The following IGDCC3 variants were observed in gnomAD, a reference collection of about 807,000 sequenced individuals.
IGDCC3 encodes the protein putative neuronal cell adhesion molecule.
A neutral mutation model predicts 72.0 loss-of-function variants in IGDCC3; 47 were observed. The observed-to-expected ratio is 0.65, with a 90% CI of 0.52 to 0.83. The LOEUF is 0.83. IGDCC3 is among the 40% of genes least tolerant of loss of function. IGDCC3 has a pLI of 0.00. For missense variants in IGDCC3, 1,038 were observed against 1,091.3 expected (o/e 0.95, Z 0.69); for synonymous variants, 477 against 472.8 (o/e 1.01, Z -0.11).
In IGDCC3 at chr15:65,328,687, A is replaced by T. The variant is rs1305527096; in HGVS notation, c.*222T>A. 1 of 417,046 alleles carries T rather than the reference A, an allele frequency of 2.4e-6. No homozygotes were observed. The highest frequency in any genetic ancestry group is 2.0e-5 in the African/African-American group (1 of 48,844). 25.8% of individuals were successfully genotyped at this position (417,046 alleles called of 1,614,324 possible). ...AGGCAAGGGGGCGTCAGCCCAGGGA[A>T]GGAACAGGCTCCTGCAGGAACTGCT... On this transcript the variant is annotated 3_prime_UTR_variant, in exon 14 of 14. Coordinates refer to ENST00000327987, the MANE Select transcript of IGDCC3 (RefSeq NM_004884.4).
At chr15:65,338,763 C>T (rs1167106845) in intron 2 of IGDCC3, among the ~76,000 whole-genome samples, 1 of 152,192 alleles carries the variant, frequency 6.6e-6, no homozygotes, top group Admixed American at 6.5e-5. Context: ...GTGGATGAGT[C>T]GCTCTTCAGG....
At position 65,329,594 on chromosome 15, in the gene IGDCC3, G is replaced by A. The variant is rs749045827; in HGVS notation, c.2001C>T (p.Val667=). ...GGTTTTCCACATCTTTACACAGGAG[G>A]ACCCTAAGGGTTAGCCAAGAGTTGG... ...LFLLFGQRGR[V]LLCKDVENQL... is the part of the protein sequence containing the mutation. The change falls in exon 13 of 14, where the codon GTC becomes GTT. Residue 667 remains valine (V), a synonymous_variant. Transcript: ENST00000327987. The surrounding 1 kb of genome is among the most constrained non-coding windows in gnomAD (Gnocchi z 4.1). The A allele has an allele frequency of 4.3e-6, 7 of 1,613,282 alleles. No individual in the cohort carries two copies. The Admixed American group carries it at 8.4e-5, about 19-fold the overall frequency.
At chr15:65,355,531 G>C (rs999331842) in intron 2 of IGDCC3, among the ~76,000 whole-genome samples, 1 of 149,570 alleles carries the variant, frequency 6.7e-6, no homozygotes, top group African/African-American at 2.4e-5. Flanking sequence ...AGGACGCGGC[G>C]GGCCCCTTCC....
Position 65,329,298 on chromosome 15 carries a change from C to T in IGDCC3, c.2205+92G>A, listed in dbSNP as rs1474355218. ...CTGCAGTTTGACTAAGGCCAATGAT[C>T]GAGGCCCGTGGCCAAGGTGAAGGGG... On this transcript the variant is annotated intron_variant, in intron 13 of 13. Transcript: ENST00000327987. This position sits in a 1 kb window ranked among gnomAD's most constrained non-coding sequence, Gnocchi z 4.1. 9.5e-6 allele frequency: 14 copies of T among 1,474,406 alleles called. No homozygotes were observed. The highest frequency in any genetic ancestry group is 2.8e-5 in the African/African-American group (2 of 70,768). The allele number at this position is 1,474,406 out of a possible 1,614,324, so 91.3% of individuals were successfully genotyped here.
chr15:65,334,542 G>A (rs904430602), intron 5 of IGDCC3, 186 bp downstream of exon 5: 8 of 572,510 alleles, frequency 1.4e-5, no homozygotes, highest in African/African-American at 5.8e-5. Context: ...GTGGGCAGGC[G>A]GGCCTCCCTG....
chr15:65,332,859 A>G (rs975687086), intron 6 of IGDCC3, among the ~76,000 whole-genome samples: 3 of 152,188 alleles, frequency 2.0e-5, no homozygotes, highest in Admixed American at 1.3e-4. Context: ...TGAAAATGAC[A>G]AGCAGGCCCG....
At position 65,370,885 on chromosome 15, in the gene IGDCC3, A is replaced by G. The variant is rs576575238; in HGVS notation, c.409+4212T>C. ...GCGATCCTCCTGCCTCAGCCTCTCAAAGTGCTGGGATTTACAGGCATGAGC... is the reference window on the plus strand; with the variant it reads ...GCGATCCTCCTGCCTCAGCCTCTCAGAGTGCTGGGATTTACAGGCATGAGC... On this transcript the variant is annotated intron_variant, in intron 2 of 13. Coordinates refer to ENST00000327987, the MANE Select transcript of IGDCC3 (RefSeq NM_004884.4). Among the ~76,000 whole-genome samples, 89 of 152,144 alleles carry G rather than the reference A, an allele frequency of 5.8e-4. 1 individual carries two copies. Among genetic ancestry groups the G allele is most frequent in the Non-Finnish European group, 1.3e-4 (9 of 67,990 alleles).
chr15:65,329,003 G>C lies in IGDCC3; in HGVS notation c.2351C>G (p.Pro784Arg). 6.2e-7 allele frequency: 1 copy of C among 1,611,502 alleles called. No homozygotes were observed. The highest frequency in any genetic ancestry group is 8.5e-7 in the Non-Finnish European group (1 of 1,179,102). The change falls in exon 14 of 14, where the codon CCA (proline) becomes CGA (arginine). Residue 784 changes from proline (P) to arginine (R), a missense_variant. Transcript: ENST00000327987. This position sits in a 1 kb window ranked among gnomAD's most constrained non-coding sequence, Gnocchi z 4.1. ...GAGGCCAGGGCCTCCATCTGGGGGT[G>C]GTGGGGCAGCCGCCAGGCCGGCGCA... ...APCAGLAAAP[P>R]PPDGGPGLLS...
At chr15:65,337,117 C>A (rs1322551334) in intron 2 of IGDCC3, among the ~76,000 whole-genome samples, 2 of 152,208 alleles carry the variant, frequency 1.3e-5, no homozygotes, top group African/African-American at 4.8e-5. Context: ...CCATCTCAGG[C>A]CCCCTCAATC....
In IGDCC3 at chr15:65,339,841, G is replaced by A. The variant is rs373664398; in HGVS notation, c.410-3885C>T. On this transcript the variant is annotated intron_variant, in intron 2 of 13. Coordinates refer to ENST00000327987, the MANE Select transcript of IGDCC3 (RefSeq NM_004884.4). The surrounding 1 kb of genome is among the most constrained non-coding windows in gnomAD (Gnocchi z 4.1). ...TTTACACTCCTGCGGATATCTGTTG[G>A]TCTGGTAGGGACAGTTTTGGGTCCC... is the stretch of plus-strand genomic sequence containing the variant. Among the ~76,000 whole-genome samples the A allele has an allele frequency of 2.2e-3, 342 of 152,330 alleles. 3 individuals are homozygous for A. Among genetic ancestry groups the A allele is most frequent in the African/African-American group, 7.4e-3 (307 of 41,574 alleles).
chr15:65,352,430 T>G (rs962746583), intron 2 of IGDCC3, among the ~76,000 whole-genome samples: 4 of 152,230 alleles, frequency 2.6e-5, no homozygotes, highest in Non-Finnish European at 5.9e-5. Context: ...GTGCTTTCCT[T>G]TAAGGAATCA....
Position 65,329,471 on chromosome 15 carries a change from GTC to G in IGDCC3, c.2122_2123del (p.Asp708ArgfsTer37). On this transcript the variant is annotated frameshift_variant, in exon 13 of 14. Transcript: ENST00000327987. LOFTEE classifies it high-confidence loss of function. This position sits in a 1 kb window ranked among gnomAD's most constrained non-coding sequence, Gnocchi z 4.1. ...RRGQRGQLGR[D>X]EKRVDMKELE... ...GCTCCTTCATATCCACACGTTTCTC[GTC>G]TCGGCCCAGCTGGCCCCGCTGTCCC... is the stretch of plus-strand genomic sequence containing the variant. 6.2e-7 allele frequency: 1 copy of G among 1,610,830 alleles called. No homozygotes were observed. Among genetic ancestry groups the G allele is most frequent in the Non-Finnish European group, 8.5e-7 (1 of 1,179,070 alleles).
chr15:65,359,156 C>T (rs1314969536), intron 2 of IGDCC3, among the ~76,000 whole-genome samples: 4 of 152,284 alleles, frequency 2.6e-5, no homozygotes, highest in East Asian at 1.9e-4. Flanking sequence ...TTTCCCAAAC[C>T]CAAGACCATG....
rs1179058074 is a variant in IGDCC3, at chr15:65,339,509, G to C, written c.410-3553C>G. On this transcript the variant is annotated intron_variant, in intron 2 of 13. Coordinates refer to ENST00000327987, the MANE Select transcript of IGDCC3 (RefSeq NM_004884.4). The surrounding 1 kb of genome is among the most constrained non-coding windows in gnomAD (Gnocchi z 4.1). ...CGGCCCCCTCTAGTTTCTCAGGGTG[G>C]AACATGTTTGATTCACAAGTGTGTT... Among the ~76,000 whole-genome samples the C allele has an allele frequency of 6.6e-6, 1 of 152,220 alleles. No homozygotes were observed. Among genetic ancestry groups the C allele is most frequent in the African/African-American group, 2.4e-5 (1 of 41,452 alleles).
intron 2 of IGDCC3, among the ~76,000 whole-genome samples, chr15:65,367,363 A>G (rs992875217): frequency 9.4e-5 from 14 of 149,514 alleles, no homozygotes; most frequent in Middle Eastern, 3.4e-3. Flanking sequence ...AAAAAAAAAA[A>G]AAAGAAAAGA....
At chr15:65,343,116 T>G (rs1448043391) in intron 2 of IGDCC3, among the ~76,000 whole-genome samples, 1 of 152,214 alleles carries the variant, frequency 6.6e-6, no homozygotes, top group Non-Finnish European at 1.5e-5. Context: ...CTAGAGCCAC[T>G]GCAATAGGGG....
chr15:65,370,620 G>GTTTATATATA, intron 2 of IGDCC3, among the ~76,000 whole-genome samples: 1 of 94,578 alleles, frequency 1.1e-5, no homozygotes, highest in African/African-American at 3.5e-5. Flanking sequence ...ATATGTATGT[G>GTTTATATATA]TATATATATA....
At chr15:65,346,282 A>G (rs1753821941) in intron 2 of IGDCC3, among the ~76,000 whole-genome samples, 1 of 152,000 alleles carries the variant, frequency 6.6e-6, no homozygotes, top group Non-Finnish European at 1.5e-5. Context: ...TCTGCCCTCC[A>G]GCAGATCTGA....
intron 2 of IGDCC3, among the ~76,000 whole-genome samples, chr15:65,371,627 T>C (rs797021951): frequency 1.3e-5 from 2 of 152,324 alleles, no homozygotes; most frequent in African/African-American, 4.8e-5. Context: ...CAGTAAGGTT[T>C]GGGAAGTCCT....
Sources: allele counts gnomAD v4.1 joint callset (sites outside exome capture counted in the v4.1 genomes callset), GRCh38; gene constraint gnomAD v4.1.1; non-coding constraint Gnocchi (gnomAD v3.1); transcripts MANE v1.5; gene names NCBI Gene and HGNC (gene_info 2026-07-23, HGNC 2026-07-21).